DDX3X: variants seen among roughly 807,000 people sequenced by gnomAD.
DDX3X encodes the protein DEAD-box helicase 3 X-linked.
In DDX3X, 4 loss-of-function variants were observed where a neutral mutation model predicts 52.7. That is an observed-to-expected ratio of 0.08 (90% CI 0.04 to 0.17). The LOEUF (loss-of-function observed/expected upper bound fraction) is 0.17. Among genes scored for constraint, DDX3X ranks in the 10% least tolerant of loss-of-function variants. DDX3X has a pLI of 1.00. For synonymous variants in DDX3X, 192 were observed against 178.1 expected, an observed-to-expected ratio of 1.08 and a Z score of -0.62; for missense variants, 222 against 548.6, an observed-to-expected ratio of 0.40 and a Z score of 5.95.
At chrX:41,344,604 A>AT (rs1311914243) in intron 10 of DDX3X, 13 of 437,824 alleles carry the variant, frequency 3.0e-5, no homozygotes, top group Admixed American at 7.5e-5. Flanking sequence ...CGCTGGGCTA[A>AT]TTTTTGTATT....
downstream of DDX3X, chrX:41,350,796 TAC>T (rs921768981): frequency 8.9e-6 from 1 of 111,955 alleles, no homozygotes; most frequent in African/African-American, 3.2e-5. Flanking sequence ...ATGCTTACTG[TAC>T]ACACTGCTGC....
intron 6 of DDX3X, 82 bp downstream of exon 6, chrX:41,342,918 A>G (rs1240762095): frequency 4.9e-6 from 4 of 812,171 alleles, no homozygotes; most frequent in Non-Finnish European, 5.5e-6. Flanking sequence ...TGGGCTTCAT[A>G]AAGTCATGTA....
chrX:41,338,165 T>TG (rs2063797797), intron 2 of DDX3X: 1 of 110,524 alleles, frequency 9.0e-6, no homozygotes, highest in Non-Finnish European at 1.9e-5. Flanking sequence ...TAGGGGATCT[T>TG]GGTGGTTTAT....
chrX:41,341,333 G>T (rs2063847290), intron 3 of DDX3X, 151 bp from the exon 4 acceptor site: 2 of 445,201 alleles, frequency 4.5e-6, no homozygotes, highest in Non-Finnish European at 7.4e-6. Context: ...ACTTTGTCCG[G>T]GTGTAAACCA....
intron 1 of DDX3X, chrX:41,334,760 C>T: frequency 2.1e-6 from 2 of 964,623 alleles, no homozygotes; most frequent in Non-Finnish European, 2.7e-6. Context: ...TGCGTGCCTG[C>T]GAGCAAGGGG....
intron 6 of DDX3X, 173 bp from the exon 7 acceptor site, chrX:41,343,043 T>G (rs949101137): frequency 2.6e-4 from 162 of 611,389 alleles, no homozygotes; most frequent in Middle Eastern, 1.0e-3. Context: ...ACCCAAAGTC[T>G]TCTCCAATGT....
chrX:41,344,517 A>G lies in DDX3X; in HGVS notation c.1025+118A>G, dbSNP rs1439542962. 5.8e-6 allele frequency: 5 copies of G among 858,684 alleles called. No individual in the cohort carries two copies. The Admixed American group carries it at 1.2e-4, about 20-fold the overall frequency. The allele number at this position is 858,684 out of a possible 1,213,427, so 70.8% of individuals were successfully genotyped here. Reference sequence around the variant, plus strand: ...CCATGGCGCGATCTCGGCTCACCACAACCTCTGCCTCCCGGGTTCAAGCGA... The same window carrying G: ...CCATGGCGCGATCTCGGCTCACCACGACCTCTGCCTCCCGGGTTCAAGCGA... On this transcript the variant is annotated intron_variant, in intron 10 of 16. Coordinates refer to ENST00000644876, the MANE Select transcript of DDX3X (RefSeq NM_001356.5).
chrX:41,350,831 A>G (rs750243976), downstream of DDX3X: 5 of 111,995 alleles, frequency 4.5e-5, no homozygotes, highest in East Asian at 1.1e-3. Context: ...CCACAAGTGT[A>G]TAGGTGCTTG....
At chrX:41,350,362 C>T (rs141705400), downstream of DDX3X, 3,258 of 111,818 alleles carry the variant, frequency 0.029, 112 homozygotes, top group South Asian at 0.21. Flanking sequence ...TAAGTATTTG[C>T]AATGAAAGAT....
downstream of DDX3X, chrX:41,351,017 G>A (rs2063981354): frequency 8.9e-6 from 1 of 111,744 alleles, no homozygotes; most frequent in Non-Finnish European, 1.9e-5. Context: ...AAGTTTTTAG[G>A]GCAGAATTTT....
In DDX3X at chrX:41,342,563, A is replaced by G. The variant is rs759994098; in HGVS notation, c.353A>G (p.Lys118Arg). 1.5e-5 allele frequency: 18 copies of G among 1,210,302 alleles called. No individual in the cohort carries two copies. The Admixed American group carries it at 2.2e-4, about 15-fold the overall frequency. Residue 118 changes from lysine (K) to arginine (R), a missense_variant, in exon 5 of 17, where the codon AAA becomes AGA. Physicochemically the swap from Lys to Arg is conservative, Grantham distance 26. Coordinates refer to ENST00000644876, the MANE Select transcript of DDX3X (RefSeq NM_001356.5). ...GSRGDRSGFG[K>R]FERGGNSRWC... is the part of the protein sequence containing the mutation. ...CGTGGTGACAGAAGTGGCTTTGGCA[A>G]ATTTGAACGTGGTGGAAACAGTCGC...
chrX:41,346,855 T>C lies in DDX3X; in HGVS notation c.1616-4T>C. The C allele has an allele frequency of 8.3e-7, 1 of 1,203,294 alleles. No homozygotes were observed. Among genetic ancestry groups the C allele is most frequent in the Non-Finnish European group, 1.1e-6 (1 of 891,200 alleles). ...TTTATATACTTTTTTGGGAACTCTT[T>C]TAGGCCTGGCAACCTCATTCTTTAA... On this transcript the variant is annotated splice_region_variant and splice_polypyrimidine_tract_variant and intron_variant, in intron 14 of 16. Transcript: ENST00000644876.
rs758794511 is a variant in DDX3X, at chrX:41,343,365, ATAAGAG to A, written c.679+18_679+23del. The A allele has an allele frequency of 2.8e-5, 33 of 1,176,213 alleles. No homozygotes were observed. The South Asian group carries it at 3.8e-4, about 14-fold the overall frequency. Reference sequence around the variant, plus strand: ...GTGCCCAAACAGGTAAGCTCAACTCATAAGAGTAAAACATCATATTTCTTCTGTAAA... The same window carrying A: ...GTGCCCAAACAGGTAAGCTCAACTCATAAAACATCATATTTCTTCTGTAAA... On this transcript the variant is annotated intron_variant, in intron 7 of 16. Transcript: ENST00000644876.
rs184972898 is a variant in DDX3X, at chrX:41,344,746, T to G, written c.1025+347T>G. ...AGCCATCGCACCCGGCCAAGTATGTTAATTTTTAAATGTATGGGATGCAGT... is the reference window on the plus strand; with the variant it reads ...AGCCATCGCACCCGGCCAAGTATGTGAATTTTTAAATGTATGGGATGCAGT... On this transcript the variant is annotated intron_variant, in intron 10 of 16. Coordinates refer to ENST00000644876, the MANE Select transcript of DDX3X (RefSeq NM_001356.5). Among the ~76,000 whole-genome samples the G allele has an allele frequency of 6.3e-3, 713 of 112,490 alleles. 1 individual carries two copies. Among genetic ancestry groups the G allele is most frequent in the Middle Eastern group, 0.014 (3 of 217 alleles).
At chrX:41,338,403 AAAAG>A (rs762358952) in intron 2 of DDX3X, 2 of 112,022 alleles carry the variant, frequency 1.8e-5, no homozygotes, top group Admixed American at 9.5e-5. Context: ...CTAGAAGTGA[AAAAG>A]AAAAATGACA....
chrX:41,356,102 A>G (rs1269071750), intron 5 of DDX3X, among the ~76,000 whole-genome samples: 1 of 109,239 alleles, frequency 9.2e-6, no homozygotes, highest in Non-Finnish European at 1.9e-5. Flanking sequence ...ATTGTTCTTA[A>G]ACATTTAAAA....
At position 41,349,308 on chromosome X, in the gene DDX3X, G is replaced by T. The variant is rs1295422189; in HGVS notation, c.*1589G>T. On this transcript the variant is annotated 3_prime_UTR_variant, in exon 17 of 17. Coordinates refer to ENST00000644876, the MANE Select transcript of DDX3X (RefSeq NM_001356.5). Reference sequence around the variant, plus strand: ...GTACTTCTTTTATTGCACATTCAGAGAATTTTATATATATGTCTTGTGTGC... The same window carrying T: ...GTACTTCTTTTATTGCACATTCAGATAATTTTATATATATGTCTTGTGTGC... The T allele has an allele frequency of 8.9e-6, 1 of 111,877 alleles. No homozygotes were observed. Among genetic ancestry groups the T allele is most frequent in the Non-Finnish European group, 1.9e-5 (1 of 53,173 alleles). The allele number at this position is 111,877 out of a possible 1,213,427, so 9.2% of individuals were successfully genotyped here.
Position 41,336,843 on chromosome X carries a change from C to G in DDX3X, c.46-565C>G, listed in dbSNP as rs1448661350. ...GGTATATTGCTATTTTTTTGTTGTT[C>G]TTAAGAGTACTACCCGACTAAAAAT... On this transcript the variant is annotated intron_variant, in intron 1 of 16. Coordinates refer to ENST00000644876, the MANE Select transcript of DDX3X (RefSeq NM_001356.5). 5.3e-5 allele frequency: 6 copies of G among 112,751 alleles called. No homozygotes were observed. The Admixed American group carries it at 5.7e-4, about 11-fold the overall frequency. The allele number at this position is 112,751 out of a possible 1,213,427, so 9.3% of individuals were successfully genotyped here.
chrX:41,359,097 C>T (rs909592493), intron 5 of DDX3X, among the ~76,000 whole-genome samples: 4 of 112,095 alleles, frequency 3.6e-5, no homozygotes, highest in African/African-American at 6.5e-5. Context: ...TAACAGAACC[C>T]GTGGTATAAA....
Sources: gnomAD v4.1 joint callset for allele counts (sites outside exome capture counted in the v4.1 genomes callset) on GRCh38, gnomAD v4.1.1 for gene constraint, MANE v1.5 for transcripts, NCBI Gene and HGNC (gene_info 2026-07-23, HGNC 2026-07-21) for gene names.